The following ACAA2 variants were observed in gnomAD, a reference collection of about 807,000 sequenced individuals.
ACAA2 encodes 3-ketoacyl-CoA thiolase, mitochondrial.
Under a neutral mutation model 44.8 loss-of-function variants are expected in ACAA2, and 35 were observed. The ratio of observed to expected loss-of-function variants is 0.78; its 90% CI spans 0.60 to 1.04. The LOEUF (loss-of-function observed/expected upper bound fraction) is 1.04. ACAA2 is among the 50% of genes least tolerant of loss of function. The pLI, the probability that ACAA2 is intolerant of heterozygous loss-of-function variation, is 0.00. For synonymous variants in ACAA2, 142 were observed against 166.5 expected, an observed-to-expected ratio of 0.85 and a Z score of 1.13; for missense variants, 468 against 482.6, an observed-to-expected ratio of 0.97 and a Z score of 0.28.
intron 5 of ACAA2, among the ~76,000 whole-genome samples, chr18:49,792,579 G>T (rs2023416502): frequency 1.3e-5 from 2 of 151,890 alleles, no homozygotes; most frequent in Non-Finnish European, 2.9e-5. Context: ...CCAGTAGCTG[G>T]GATTATAGGT....
chr18:49,805,570 T>G (rs1012704154), intron 1 of ACAA2, among the ~76,000 whole-genome samples: 2 of 152,080 alleles, frequency 1.3e-5, no homozygotes, highest in Admixed American at 6.6e-5. Context: ...TATCAGTGTT[T>G]TCTTTTTTTT....
In ACAA2 at chr18:49,783,444, A is replaced by T. The variant is rs899304607; in HGVS notation, c.*403T>A. ...AGGGTTAAGATGGTAAAGTTTATGT[A>T]ATGTGTATCTTATCACAATTTAAAA... On this transcript the variant is annotated 3_prime_UTR_variant, in exon 10 of 10. Coordinates refer to ENST00000285093, the MANE Select transcript of ACAA2 (RefSeq NM_006111.3). The T allele has an allele frequency of 6.2e-6, 1 of 160,726 alleles. No homozygotes were observed. Among genetic ancestry groups the T allele is most frequent in the Non-Finnish European group, 1.4e-5 (1 of 72,528 alleles). 10.0% of individuals were successfully genotyped at this position (160,726 alleles called of 1,614,324 possible).
intron 3 of ACAA2, among the ~76,000 whole-genome samples, chr18:49,796,981 T>TAA (rs1491277137): frequency 6.4e-5 from 9 of 140,184 alleles, no homozygotes; most frequent in African/African-American, 8.0e-5. Context: ...TATATATATA[T>TAA]AATACTTACC....
At chr18:49,808,510 C>T (rs180814532) in intron 1 of ACAA2, among the ~76,000 whole-genome samples, 235 of 152,218 alleles carry the variant, frequency 1.5e-3, no homozygotes, top group African/African-American at 5.2e-3. Flanking sequence ...AAGTGTCGGC[C>T]GGTCTGAGAA....
intron 3 of ACAA2, 124 bp downstream of exon 3, chr18:49,797,342 G>T: frequency 4.0e-6 from 3 of 750,048 alleles, no homozygotes; most frequent in Non-Finnish European, 6.1e-6. Flanking sequence ...GTATGATCAT[G>T]GTTTACTTGA....
intron 7 of ACAA2, among the ~76,000 whole-genome samples, chr18:49,787,658 AT>A (rs1177450039): frequency 1.1e-4 from 17 of 152,210 alleles, no homozygotes; most frequent in African/African-American, 2.2e-4. Context: ...AAGAAAAAAA[AT>A]AATAATAAAA....
intron 1 of ACAA2, among the ~76,000 whole-genome samples, chr18:49,806,569 C>T (rs572919082): frequency 6.6e-6 from 1 of 152,310 alleles, no homozygotes; most frequent in East Asian, 1.9e-4. Flanking sequence ...AATCCAGTCT[C>T]CACAATGTTC....
chr18:49,796,218 G>GACAT (rs1226198977), intron 3 of ACAA2, among the ~76,000 whole-genome samples: 4 of 152,032 alleles, frequency 2.6e-5, no homozygotes, highest in African/African-American at 7.2e-5. Context: ...GATAATAAAG[G>GACAT]ACATACCCTT....
intron 1 of ACAA2, among the ~76,000 whole-genome samples, chr18:49,810,426 C>A (rs948174259): frequency 6.6e-6 from 1 of 152,098 alleles, no homozygotes; most frequent in African/African-American, 2.4e-5. Context: ...TACAAAGTTC[C>A]TTTTATGAAC....
intron 4 of ACAA2, 124 bp from the exon 5 acceptor site, chr18:49,794,551 C>T (rs2023443120): frequency 2.6e-6 from 2 of 755,086 alleles, no homozygotes; most frequent in Non-Finnish European, 3.9e-6. Flanking sequence ...TTCTGATAAC[C>T]ACTATTCATA....
chr18:49,808,161 T>A (rs769049919), intron 1 of ACAA2, among the ~76,000 whole-genome samples: 3 of 152,232 alleles, frequency 2.0e-5, no homozygotes, highest in Non-Finnish European at 4.4e-5. Context: ...ACTATTAGTC[T>A]TTTGGATTTT....
Position 49,785,340 on chromosome 18 carries a change from AG to A in ACAA2, c.965del (p.Ala322ValfsTer17), listed in dbSNP as rs2023315855. 6 of 1,612,504 alleles carry A rather than the reference AG, an allele frequency of 3.7e-6. No homozygotes were observed. The highest frequency in any genetic ancestry group is 4.2e-6 in the Non-Finnish European group (5 of 1,179,660). ...CAACAGCCAAGTACTGGGGAGCAAA[AG>A]CTTCATTCACCTTAAAACAAAAATT... ...KDMDLVEVNE[A>X]FAPQYLAVER... On this transcript the variant is annotated frameshift_variant, in exon 9 of 10. Transcript: ENST00000285093. LOFTEE classifies it high-confidence loss of function.
chr18:49,810,535 TAAA>T (rs1200521435), intron 1 of ACAA2, among the ~76,000 whole-genome samples: 1 of 151,406 alleles, frequency 6.6e-6, no homozygotes, highest in East Asian at 1.9e-4. Flanking sequence ...CATGGGAAAA[TAAA>T]AACAAAAAAA....
At chr18:49,799,941 G>A (rs2023519792) in intron 2 of ACAA2, among the ~76,000 whole-genome samples, 2 of 149,632 alleles carry the variant, frequency 1.3e-5, no homozygotes, top group African/African-American at 2.5e-5. Flanking sequence ...CCTCTGCCCG[G>A]CAACCGCCCC....
At chr18:49,788,916 C>T (rs186458465) in intron 7 of ACAA2, among the ~76,000 whole-genome samples, 35 of 152,288 alleles carry the variant, frequency 2.3e-4, no homozygotes, top group Admixed American at 4.6e-4. Context: ...AATAGCTGTG[C>T]GACTTTGTGC....
intron 1 of ACAA2, among the ~76,000 whole-genome samples, chr18:49,803,604 G>A (rs1458891059): frequency 6.6e-6 from 1 of 152,220 alleles, no homozygotes; most frequent in African/African-American, 2.4e-5. Context: ...GTGATGTAAA[G>A]CCATTCTGGT....
At position 49,782,396 on chromosome 18, in the gene ACAA2, G is replaced by GA. The variant is rs2023276711; in HGVS notation, c.*1450dup. ...TGCCACTTCAGCTTTTTAATCAAATGAAGGAAACCATATAAGCAAAGGGTT... is the reference window on the plus strand; with the variant it reads ...TGCCACTTCAGCTTTTTAATCAAATGAAAGGAAACCATATAAGCAAAGGGTT... On this transcript the variant is annotated 3_prime_UTR_variant, in exon 10 of 10. Transcript: ENST00000285093. The GA allele has an allele frequency of 6.6e-6, 1 of 152,034 alleles. No individual in the cohort carries two copies. The highest frequency in any genetic ancestry group is 1.5e-5 in the Non-Finnish European group (1 of 68,030). The allele number at this position is 152,034 out of a possible 1,614,324, so 9.4% of individuals were successfully genotyped here. A position where few individuals can be genotyped will look rare whatever the true frequency, so the allele number is the denominator to read the frequency against.
At chr18:49,789,468 T>C (rs1028511394) in intron 7 of ACAA2, among the ~76,000 whole-genome samples, 1 of 152,008 alleles carries the variant, frequency 6.6e-6, no homozygotes. Flanking sequence ...CGAGGAAAAA[T>C]GACAATCCTA....
chr18:49,810,105 G>A (rs895246009), intron 1 of ACAA2, among the ~76,000 whole-genome samples: 2 of 152,068 alleles, frequency 1.3e-5, no homozygotes, highest in African/African-American at 4.8e-5. Flanking sequence ...GGACTAACAA[G>A]TTACAGTCAT....
Sources: allele counts gnomAD v4.1 joint callset (sites outside exome capture counted in the v4.1 genomes callset), GRCh38; gene constraint gnomAD v4.1.1; transcripts MANE v1.5; gene names NCBI Gene and HGNC (gene_info 2026-07-23, HGNC 2026-07-21).